Variants in FUBP1 observed in about 807,000 individuals in gnomAD.
FUBP1 encodes far upstream element-binding protein 1.
A neutral mutation model predicts 94.9 loss-of-function variants in FUBP1; 16 were observed. That is an observed-to-expected ratio of 0.17 (90% CI 0.11 to 0.26). The LOEUF is 0.26. Among genes scored for constraint, FUBP1 ranks in the 10% least tolerant of loss-of-function variants. The pLI is 1.00. For synonymous variants in FUBP1, 279 were observed against 254.9 expected (o/e 1.09, Z -0.90); for missense variants, 583 against 808.6 (o/e 0.72, Z 3.38).
intron 1 of FUBP1, among the ~76,000 whole-genome samples, chr1:77,975,979 T>G (rs1459087284): frequency 6.6e-6 from 1 of 152,180 alleles, no homozygotes; most frequent in African/African-American, 2.4e-5. Flanking sequence ...CATAATTACT[T>G]GTCCTGCTTT....
intron 3 of FUBP1, among the ~76,000 whole-genome samples, chr1:77,967,942 AT>A (rs1444516401): frequency 1.3e-5 from 2 of 152,186 alleles, no homozygotes; most frequent in African/African-American, 4.8e-5. Context: ...GTTGTTAAAT[AT>A]GTAAAATAAT....
chr1:77,956,708 AAATG>A lies in FUBP1; in HGVS notation c.1577-12_1577-9del, dbSNP rs755525155. ...GATCCGTTCCTGCCTTAGCTAAAAT[AAATG>A]AAAGTTCAAGGTTTGCATGTGAAGT... is the stretch of plus-strand genomic sequence containing the variant. On this transcript the variant is annotated splice_polypyrimidine_tract_variant and intron_variant, in intron 16 of 19. Transcript: ENST00000370768. The A allele has an allele frequency of 1.1e-5, 17 of 1,608,240 alleles. No homozygotes were observed. The South Asian group carries it at 1.9e-4, about 18-fold the overall frequency.
chr1:77,979,331 A>C (rs1039964171), upstream of FUBP1: 41 of 302,182 alleles, frequency 1.4e-4, no homozygotes, highest in Non-Finnish European at 2.0e-4. Flanking sequence ...GTGGTGGGTG[A>C]TAGTGGCCAG....
upstream of FUBP1, chr1:77,979,171 C>A: frequency 1.5e-6 from 1 of 672,422 alleles, no homozygotes; most frequent in Admixed American, 2.9e-5. Flanking sequence ...GTTTCCGAGG[C>A]AACGCGCTGG....
chr1:77,969,890 GA>G, intron 2 of FUBP1, 34 bp downstream of exon 2: 1 of 950,560 alleles, frequency 1.1e-6, no homozygotes, highest in Non-Finnish European at 1.6e-6. Context: ...TAAACACTCT[GA>G]AAAACAATTT....
intron 18 of FUBP1, among the ~76,000 whole-genome samples, chr1:77,949,850 A>G (rs1267518931): frequency 2.0e-5 from 3 of 152,250 alleles, no homozygotes; most frequent in Non-Finnish European, 4.4e-5. Flanking sequence ...TATAAAGTGT[A>G]TGTACACACA....
At chr1:77,954,602 G>A (rs1056739673) in intron 18 of FUBP1, among the ~76,000 whole-genome samples, 5 of 152,072 alleles carry the variant, frequency 3.3e-5, no homozygotes, top group Admixed American at 1.3e-4. Context: ...CAAGTAGACC[G>A]TTCTCTTATG....
chr1:77,966,626 GAA>G, intron 7 of FUBP1, 66 bp downstream of exon 7: 1 of 819,566 alleles, frequency 1.2e-6, no homozygotes, highest in South Asian at 1.4e-5. Context: ...GTAACAAAGA[GAA>G]GAGACAAAAT....
At chr1:77,960,613 T>A in intron 14 of FUBP1, 118 bp from the exon 15 acceptor site, 4 of 756,684 alleles carry the variant, frequency 5.3e-6, no homozygotes, top group Non-Finnish European at 8.0e-6. Context: ...AAATTTTAGG[T>A]TTTCCTTCCT....
intron 18 of FUBP1, among the ~76,000 whole-genome samples, chr1:77,951,612 T>C (rs991401244): frequency 2.6e-5 from 4 of 152,220 alleles, no homozygotes; most frequent in African/African-American, 9.6e-5. Context: ...GGCAGTGGTG[T>C]GATCATGGCT....
chr1:77,977,215 A>G (rs1372020333), intron 1 of FUBP1, among the ~76,000 whole-genome samples: 1 of 151,816 alleles, frequency 6.6e-6, no homozygotes, highest in Non-Finnish European at 1.5e-5. Context: ...CAAACAAACG[A>G]AAAAAAACAA....
At position 77,946,206 on chromosome 1, in the gene FUBP1, T is replaced by C. The variant is rs889071059; in HGVS notation, c.*2560A>G. Among the ~76,000 whole-genome samples the C allele has an allele frequency of 2.0e-5, 3 of 151,952 alleles. No individual in the cohort carries two copies. The highest frequency in any genetic ancestry group is 4.8e-5 in the African/African-American group (2 of 41,420). ...TTCCTAAATCTTGAAAACTGTGTAA[T>C]TGTCCTTTCTTAATATTAACACTTC... On this transcript the variant is annotated 3_prime_UTR_variant, in exon 20 of 20. Coordinates refer to ENST00000370768, the MANE Select transcript of FUBP1 (RefSeq NM_003902.5).
intron 1 of FUBP1, among the ~76,000 whole-genome samples, chr1:77,975,191 T>A (rs1416678302): frequency 6.6e-6 from 1 of 152,216 alleles, no homozygotes; most frequent in Non-Finnish European, 1.5e-5. Flanking sequence ...TGTAATTCAT[T>A]AAAAATGTTT....
At chr1:77,977,874 T>C (rs1295905152) in intron 1 of FUBP1, among the ~76,000 whole-genome samples, 1 of 152,240 alleles carries the variant, frequency 6.6e-6, no homozygotes, top group Non-Finnish European at 1.5e-5. Flanking sequence ...ATTCTAATTT[T>C]GACTCAATGT....
intron 1 of FUBP1, among the ~76,000 whole-genome samples, chr1:77,975,466 T>C (rs1315245323): frequency 4.6e-5 from 7 of 152,120 alleles, no homozygotes; most frequent in Admixed American, 2.0e-4. Context: ...CAAACAACAT[T>C]ATGCAGCCTA....
Position 77,963,691 on chromosome 1 carries a change from G to A in FUBP1, c.1066C>T (p.Pro356Ser). 1 of 1,611,542 alleles carries A rather than the reference G, an allele frequency of 6.2e-7. No individual in the cohort carries two copies. Among genetic ancestry groups the A allele is most frequent in the Non-Finnish European group, 8.5e-7 (1 of 1,177,978 alleles). Residue 356 changes from proline to serine, a missense_variant, in exon 13 of 20, where the codon CCT becomes TCT. Transcript: ENST00000370768. ...CCTCTACCTCTTCCTCGACCACCAG[G>A]TCCAGGTCCACCAGGATTACCAGCC... ...VQAGNPGGPG[P>S]GGRGRGRGQG...
At position 77,948,542 on chromosome 1, in the gene FUBP1, T is replaced by C; in HGVS notation, c.*224A>G. Reference sequence around the variant, plus strand: ...TTTGCTGGAATGTGTACATCTACACTAAATACTAAAAACAAACCAATTTTC... The same window carrying C: ...TTTGCTGGAATGTGTACATCTACACCAAATACTAAAAACAAACCAATTTTC... On this transcript the variant is annotated 3_prime_UTR_variant, in exon 20 of 20. Coordinates refer to ENST00000370768, the MANE Select transcript of FUBP1 (RefSeq NM_003902.5). 1 of 1,297,594 alleles carries C rather than the reference T, an allele frequency of 7.7e-7. No homozygotes were observed. Among genetic ancestry groups the C allele is most frequent in the Non-Finnish European group, 9.8e-7 (1 of 1,015,620 alleles). The allele number at this position is 1,297,594 out of a possible 1,614,324, so 80.4% of individuals were successfully genotyped here. A position where few individuals can be genotyped will look rare whatever the true frequency, so the allele number is the denominator to read the frequency against.
chr1:77,948,907 G>C, intron 19 of FUBP1, 133 bp from the exon 20 acceptor site: 1 of 1,243,948 alleles, frequency 8.0e-7, no homozygotes, highest in Non-Finnish European at 1.2e-6. Flanking sequence ...TGCATGATTT[G>C]CAAATCCCTG....
rs1174716924 is a variant in FUBP1, at chr1:77,964,351, G to A, written c.843C>T (p.Pro281=). The A allele has an allele frequency of 8.9e-6, 14 of 1,570,182 alleles. No homozygotes were observed. The highest frequency in any genetic ancestry group is 1.1e-5 in the Non-Finnish European group (13 of 1,149,388). The change falls in exon 11 of 20, where the codon CCC becomes CCT. Residue 281 remains proline (P), a synonymous_variant. Transcript: ENST00000370768. The part of the protein sequence containing the change: ...RIGGNEGIDV[P]IPRFAVGIVI... ...CAATGCCAACAGCAAATCTTGGAAT[G>A]GGGACCTTATGTAAAAAAGACTAAG...
Sources: allele counts gnomAD v4.1 joint callset (sites outside exome capture counted in the v4.1 genomes callset), GRCh38; gene constraint gnomAD v4.1.1; transcripts MANE v1.5; gene names NCBI Gene and HGNC (gene_info 2026-07-23, HGNC 2026-07-21).